CBFB: variants seen among roughly 807,000 people sequenced by gnomAD.
CBFB encodes the protein core-binding factor subunit beta.
In CBFB, 9 loss-of-function variants were observed where a neutral mutation model predicts 30.4. That is an observed-to-expected ratio of 0.30 (90% CI 0.18 to 0.52). The LOEUF is 0.52. Ranked by LOEUF, CBFB falls within the 20% of genes least tolerant of loss-of-function variation. CBFB has a pLI of 0.97. For missense variants in CBFB, 170 were observed against 244.0 expected, an observed-to-expected ratio of 0.70 and a Z score of 2.02; for synonymous variants, 94 against 84.0, an observed-to-expected ratio of 1.12 and a Z score of -0.65.
intron 5 of CBFB, among the ~76,000 whole-genome samples, chr16:67,096,297 C>T (rs976632778): frequency 3.3e-5 from 5 of 150,736 alleles, no homozygotes; most frequent in Middle Eastern, 6.8e-3. Context: ...GAAAACAGAG[C>T]AAGACTCTGT....
intron 4 of CBFB, among the ~76,000 whole-genome samples, chr16:67,079,927 A>G (rs1042284104): frequency 1.3e-5 from 2 of 152,104 alleles, no homozygotes; most frequent in Non-Finnish European, 2.9e-5. Context: ...CAGGCAAATC[A>G]CTTGAGGTCA....
At chr16:67,090,676 A>G (rs1961856776) in intron 5 of CBFB, among the ~76,000 whole-genome samples, 2 of 152,232 alleles carry the variant, frequency 1.3e-5, no homozygotes, top group Admixed American at 1.3e-4. Context: ...GGGTGCTTAA[A>G]GATATTTTCT....
rs1962205550 is a variant in CBFB at position 67,101,009 on chromosome 16, G to A, written c.*2231G>A. 5.4e-6 allele frequency: 1 copy of A among 183,684 alleles called. No homozygotes were observed. The highest frequency in any genetic ancestry group is 2.4e-5 in the African/African-American group (1 of 42,546). 11.4% of individuals were successfully genotyped at this position (183,684 alleles called of 1,614,324 possible). A position where few individuals can be genotyped will look rare whatever the true frequency, so the allele number is the denominator to read the frequency against. ...CTTTTGCCACCATTGGCCATACTGT[G>A]TGTTTGTTTGTTTAATTTACTTTCA... On this transcript the variant is annotated 3_prime_UTR_variant, in exon 6 of 6. Coordinates refer to ENST00000412916, the MANE Select transcript of CBFB (RefSeq NM_022845.3).
At chr16:67,096,240 G>A (rs1962041708) in intron 5 of CBFB, among the ~76,000 whole-genome samples, 1 of 151,924 alleles carries the variant, frequency 6.6e-6, no homozygotes, top group African/African-American at 2.4e-5. Flanking sequence ...GAACCTGGGA[G>A]GCGGAGGTTG....
At chr16:67,034,254 AT>A (rs1966405919) in intron 2 of CBFB, among the ~76,000 whole-genome samples, 2 of 152,232 alleles carry the variant, frequency 1.3e-5, no homozygotes, top group South Asian at 4.1e-4. Flanking sequence ...ACTAATACAT[AT>A]TTCTAATTCT....
intron 3 of CBFB, among the ~76,000 whole-genome samples, chr16:67,060,297 G>A (rs1057221735): frequency 4.6e-5 from 7 of 152,114 alleles, no homozygotes; most frequent in African/African-American, 1.7e-4. Context: ...AGCTCATTGA[G>A]ATACAATTCA....
At chr16:67,031,983 T>C (rs1490508369) in intron 2 of CBFB, among the ~76,000 whole-genome samples, 2 of 152,224 alleles carry the variant, frequency 1.3e-5, no homozygotes, top group East Asian at 3.9e-4. Context: ...GGCGTCACCA[T>C]ACGCAGCCCC....
chr16:67,041,915 TTTA>T (rs1242352997), intron 3 of CBFB, among the ~76,000 whole-genome samples: 1 of 150,840 alleles, frequency 6.6e-6, no homozygotes, highest in African/African-American at 2.4e-5. Context: ...TTTTTTTTTT[TTTA>T]CCCCTGACAA....
chr16:67,043,429 G>A (rs762785808), intron 3 of CBFB, among the ~76,000 whole-genome samples: 1 of 152,280 alleles, frequency 6.6e-6, no homozygotes, highest in Middle Eastern at 3.4e-3. Context: ...GCTTCTATAA[G>A]GAAGGTCTGT....
intron 3 of CBFB, among the ~76,000 whole-genome samples, chr16:67,064,128 G>GT (rs1303688544): frequency 1.3e-5 from 2 of 152,150 alleles, no homozygotes; most frequent in Non-Finnish European, 2.9e-5. Context: ...CTTGTTCAAG[G>GT]CAGTAAATAT....
At chr16:67,084,911 A>T (rs1567623123) in intron 5 of CBFB, among the ~76,000 whole-genome samples, 1 of 152,202 alleles carries the variant, frequency 6.6e-6, no homozygotes, top group African/African-American at 2.4e-5. Flanking sequence ...TTCCTCATCT[A>T]CAAAATAGGA....
intron 4 of CBFB, among the ~76,000 whole-genome samples, chr16:67,077,131 A>G (rs528397390): frequency 2.0e-5 from 3 of 152,308 alleles, no homozygotes; most frequent in African/African-American, 4.8e-5. Flanking sequence ...TTCCACCAAC[A>G]TTTGTATTAC....
At chr16:67,071,990 C>T (rs1045005063) in intron 4 of CBFB, among the ~76,000 whole-genome samples, 1 of 152,140 alleles carries the variant, frequency 6.6e-6, no homozygotes, top group Non-Finnish European at 1.5e-5. Flanking sequence ...CTTTGTTTCT[C>T]TCTGCTGATC....
chr16:67,098,171 T>C (rs186068600), intron 5 of CBFB, among the ~76,000 whole-genome samples: 255 of 152,300 alleles, frequency 1.7e-3, no homozygotes, highest in Non-Finnish European at 5.6e-4. Flanking sequence ...ATCTCACTTA[T>C]GTCGTCCAGG....
At chr16:67,082,185 A>G (rs2145771265) in intron 4 of CBFB, 28 bp from the exon 5 acceptor site, 4 of 1,473,572 alleles carry the variant, frequency 2.7e-6, no homozygotes, top group Non-Finnish European at 3.6e-6. Context: ...AATCAAAATT[A>G]AAATAGGTAT....
chr16:67,088,167 A>G (rs533345407), intron 5 of CBFB, among the ~76,000 whole-genome samples: 2 of 152,322 alleles, frequency 1.3e-5, no homozygotes, highest in Non-Finnish European at 2.9e-5. Context: ...CAGCACATGC[A>G]CTGGCAATCA....
At chr16:67,074,916 G>A (rs1050907171) in intron 4 of CBFB, among the ~76,000 whole-genome samples, 22 of 152,310 alleles carry the variant, frequency 1.4e-4, no homozygotes, top group African/African-American at 4.8e-4. Context: ...GTAGAGGCCA[G>A]GCGCAGTGGC....
At chr16:67,048,065 AAAAAAT>A (rs1231817081) in intron 3 of CBFB, among the ~76,000 whole-genome samples, 1 of 151,694 alleles carries the variant, frequency 6.6e-6, no homozygotes, top group Non-Finnish European at 1.5e-5. Context: ...TCCATCTCAA[AAAAAAT>A]AAAAATAAAA....
At chr16:67,037,084 A>T (rs1966452689) in intron 3 of CBFB, among the ~76,000 whole-genome samples, 1 of 152,036 alleles carries the variant, frequency 6.6e-6, no homozygotes, top group African/African-American at 2.4e-5. Context: ...TTTTTAGTGG[A>T]GATGGGGTTT....
Sources: gnomAD v4.1 joint callset for allele counts (sites outside exome capture counted in the v4.1 genomes callset) on GRCh38, gnomAD v4.1.1 for gene constraint, MANE v1.5 for transcripts, NCBI Gene and HGNC (gene_info 2026-07-23, HGNC 2026-07-21) for gene names.